The following COL7A1 variants were observed in gnomAD, a reference collection of about 807,000 sequenced individuals.
The protein encoded by COL7A1 is collagen type VII alpha 1 chain, also known as collagen alpha-1(VII) chain.
Under a neutral mutation model 456.2 loss-of-function variants are expected in COL7A1, and 296 were observed. The observed-to-expected ratio is 0.65, with a 90% CI of 0.59 to 0.71. The LOEUF (loss-of-function observed/expected upper bound fraction) is 0.71. Ranked by LOEUF, COL7A1 falls within the 30% of genes least tolerant of loss-of-function variation. The pLI, the probability that COL7A1 is intolerant of heterozygous loss-of-function variation, is 0.00. For missense variants in COL7A1, 3,441 were observed against 4,017.2 expected (o/e 0.86, Z 3.88); for synonymous variants, 1,464 against 1,525.9 (o/e 0.96, Z 0.95).
rs1390538480 is a variant in COL7A1 at position 48,579,236 on chromosome 3, C to T, written c.5349G>A (p.Leu1783=). The stretch of plus-strand genomic sequence containing the variant: ...GCCCAGCGGCTCCTGGTTTCCCATC[C>T]AGTCCGCTCCGGCCATCCAGCCCAG... ...GPPGLDGRSG[L]DGKPGAAGPS... Residue 1783 remains leucine, a synonymous_variant, in exon 62 of 119, where the codon CTG becomes CTA. Coordinates refer to ENST00000681320, the MANE Select transcript of COL7A1 (RefSeq NM_000094.4). This position sits in a 1 kb window ranked among gnomAD's most constrained non-coding sequence, Gnocchi z 4.4. The T allele has an allele frequency of 1.2e-6, 2 of 1,613,890 alleles. No individual in the cohort carries two copies. Among genetic ancestry groups the T allele is most frequent in the Non-Finnish European group, 1.7e-6 (2 of 1,180,032 alleles).
Position 48,587,037 on chromosome 3 carries a change from C to A in COL7A1, c.3211G>T (p.Ala1071Ser), listed in dbSNP as rs143245957. 1.1e-5 allele frequency: 17 copies of A among 1,607,480 alleles called. No homozygotes were observed. The highest frequency in any genetic ancestry group is 1.0e-4 in the Admixed American group (6 of 59,178). The change falls in exon 25 of 119, where the codon GCT becomes TCT. Residue 1071 changes from alanine (A) to serine (S), a missense_variant. Coordinates refer to ENST00000681320, the MANE Select transcript of COL7A1 (RefSeq NM_000094.4). This position sits in a 1 kb window ranked among gnomAD's most constrained non-coding sequence, Gnocchi z 6.1. The stretch of plus-strand genomic sequence containing the variant: ...AGACGCTCCAGGACCCTCCTCGTAG[C>A]CTCCGCACGGTGAGCATTGTCTTGA... ...ATQDNAHRAE[A>S]TRRVLERLVL...
rs1309224436 is a variant in COL7A1 at position 48,593,373 on chromosome 3, A to T, written c.503T>A (p.Val168Asp). ...GTCCTTACCCACAGCAAATAGCTTG[A>T]CCCCCTGCCCCTTCAGCCTTTGGGC... ...TAAQRLKGQG[V>D]KLFAVGIKNA... Residue 168 changes from valine to aspartate, a missense_variant, in exon 5 of 119, where the codon GTC becomes GAC. By Grantham distance (152) the Val-to-Asp change is radical. Coordinates refer to ENST00000681320, the MANE Select transcript of COL7A1 (RefSeq NM_000094.4). This position sits in a 1 kb window ranked among gnomAD's most constrained non-coding sequence, Gnocchi z 4.4. 1 of 1,613,608 alleles carries T rather than the reference A, an allele frequency of 6.2e-7. No individual in the cohort carries two copies. Among genetic ancestry groups the T allele is most frequent in the Non-Finnish European group, 8.5e-7 (1 of 1,179,902 alleles).
Position 48,579,621 on chromosome 3 carries a change from A to T in COL7A1, c.5202T>A (p.Gly1734=). 6.2e-7 allele frequency: 1 copy of T among 1,613,340 alleles called. No individual in the cohort carries two copies. The highest frequency in any genetic ancestry group is 8.5e-7 in the Non-Finnish European group (1 of 1,179,888). The change falls in exon 59 of 119, where the codon GGT becomes GGA. Residue 1734 remains glycine (G), a synonymous_variant. Coordinates refer to ENST00000681320, the MANE Select transcript of COL7A1 (RefSeq NM_000094.4). This position sits in a 1 kb window ranked among gnomAD's most constrained non-coding sequence, Gnocchi z 4.4. ...RGQEGPRGPK[G]DPGLPGAPGE... ...CAGGGGCTCCAGGGAGGCCAGGATCACCCTTGGGCCCTCGAGGACCCTCTT... is the reference window on the plus strand; with the variant it reads ...CAGGGGCTCCAGGGAGGCCAGGATCTCCCTTGGGCCCTCGAGGACCCTCTT...
chr3:48,569,661 G>T lies in COL7A1; in HGVS notation c.7558-13C>A. On this transcript the variant is annotated splice_polypyrimidine_tract_variant and intron_variant, in intron 101 of 118. Transcript: ENST00000681320. The surrounding 1 kb of genome is among the most constrained non-coding windows in gnomAD (Gnocchi z 4.9). ...CAGCTGAGTCTCCCTGAGGGGGCAG[G>T]CAGGAATCAGAGGAGTCGGGAGCAC... The T allele has an allele frequency of 6.2e-7, 1 of 1,613,968 alleles. No homozygotes were observed. Among genetic ancestry groups the T allele is most frequent in the Non-Finnish European group, 8.5e-7 (1 of 1,179,968 alleles).
At position 48,585,643 on chromosome 3, in the gene COL7A1, G is replaced by A; in HGVS notation, c.3832-24C>T. On this transcript the variant is annotated intron_variant, in intron 31 of 118. Transcript: ENST00000681320. The surrounding 1 kb of genome is among the most constrained non-coding windows in gnomAD (Gnocchi z 4.5). ...CCCTGAAAGAAGATAGCAGTTAGGTGGGGATAAGCCAGTCAGGGTGCAGGG... is the reference window on the plus strand; with the variant it reads ...CCCTGAAAGAAGATAGCAGTTAGGTAGGGATAAGCCAGTCAGGGTGCAGGG... 6.2e-7 allele frequency: 1 copy of A among 1,614,022 alleles called. No individual in the cohort carries two copies. The highest frequency in any genetic ancestry group is 8.5e-7 in the Non-Finnish European group (1 of 1,180,000).
In COL7A1 at chr3:48,581,715, T is replaced by G; in HGVS notation, c.4713A>C (p.Gln1571His). The change falls in exon 49 of 119, where the codon CAA becomes CAC. Residue 1571 changes from glutamine (Q) to histidine (H), a missense_variant. Physicochemically the swap from Gln to His is conservative, Grantham distance 24. Transcript: ENST00000681320. This position sits in a 1 kb window ranked among gnomAD's most constrained non-coding sequence, Gnocchi z 5.8. The part of the protein sequence containing the change: ...PAGPRGATGV[Q>H]GERGPPGLVL... ...ACTTCGCTTCACTTACCCGTTCCCC[T>G]TGGACTCCGGTAGCTCCTCTGGGCC... is the stretch of plus-strand genomic sequence containing the variant. 1 of 1,614,104 alleles carries G rather than the reference T, an allele frequency of 6.2e-7. No homozygotes were observed.
At position 48,573,359 on chromosome 3, in the gene COL7A1, C is replaced by T. The variant is rs377418600; in HGVS notation, c.6619-11G>A. ...CTCTCCAGGCTCCCCCTGCAAACAA[C>T]CCAGAGACTGCATGAGCAGAGCCCA... On this transcript the variant is annotated splice_polypyrimidine_tract_variant and intron_variant, in intron 83 of 118. Coordinates refer to ENST00000681320, the MANE Select transcript of COL7A1 (RefSeq NM_000094.4). This position sits in a 1 kb window ranked among gnomAD's most constrained non-coding sequence, Gnocchi z 5.5. 6.2e-7 allele frequency: 1 copy of T among 1,613,920 alleles called. No homozygotes were observed. Among genetic ancestry groups the T allele is most frequent in the African/African-American group, 1.3e-5 (1 of 74,896 alleles).
chr3:48,575,491 C>A lies in COL7A1; in HGVS notation c.6028G>T (p.Asp2010Tyr), dbSNP rs753702106. The part of the protein sequence containing the change: ...GERGLKGDRG[D>Y]PGPQGPPGLA... The stretch of plus-strand genomic sequence containing the variant: ...CCAGGTGGCCCCTGAGGGCCAGGGT[C>A]TCCACGGTCGCCCTTCAGCCCGCGT... The change falls in exon 74 of 119, where the codon GAC becomes TAC. Residue 2010 changes from aspartate to tyrosine, a missense_variant. By Grantham distance (160) the Asp-to-Tyr change is radical. Coordinates refer to ENST00000681320, the MANE Select transcript of COL7A1 (RefSeq NM_000094.4). This position sits in a 1 kb window ranked among gnomAD's most constrained non-coding sequence, Gnocchi z 6.3. 1 of 1,612,264 alleles carries A rather than the reference C, an allele frequency of 6.2e-7. No individual in the cohort carries two copies. Among genetic ancestry groups the A allele is most frequent in the Non-Finnish European group, 8.5e-7 (1 of 1,179,744 alleles).
At chr3:48,584,177 C>A (rs1031709231) in intron 37 of COL7A1, 116 bp from the exon 38 acceptor site, 13 of 1,578,076 alleles carry the variant, frequency 8.2e-6, no homozygotes, top group South Asian at 7.9e-5. Context: ...AGAACTGAGG[C>A]GTCATGGTGA....
In COL7A1 at chr3:48,575,713, A is replaced by T; in HGVS notation, c.5892T>A (p.Asp1964Glu). Residue 1964 changes from aspartate to glutamate, a missense_variant, in exon 73 of 119, where the codon GAT (aspartate) becomes GAA (glutamate). Around this residue, in one of 3 missense-constraint regions of COL7A1, gnomAD observed 2,084 missense variants for 2,501.3 expected, o/e 0.83. Transcript: ENST00000681320. The surrounding 1 kb of genome is among the most constrained non-coding windows in gnomAD (Gnocchi z 6.3). ...SALREIVETW[D>E]ESSGSFLPVP... The stretch of plus-strand genomic sequence containing the variant: ...CAGGCAGGAAGCTACCAGAGCTCTC[A>T]TCCCAGGTCTCCACGATCTCCCGCA... The T allele has an allele frequency of 6.2e-7, 1 of 1,613,840 alleles. No individual in the cohort carries two copies. The highest frequency in any genetic ancestry group is 8.5e-7 in the Non-Finnish European group (1 of 1,180,004).
At position 48,579,068 on chromosome 3, in the gene COL7A1, G is replaced by A; in HGVS notation, c.5389-114C>T. The A allele has an allele frequency of 1.9e-6, 3 of 1,557,852 alleles. No homozygotes were observed. The highest frequency in any genetic ancestry group is 2.7e-6 in the Non-Finnish European group (3 of 1,130,934). On this transcript the variant is annotated intron_variant, in intron 62 of 118. Coordinates refer to ENST00000681320, the MANE Select transcript of COL7A1 (RefSeq NM_000094.4). This position sits in a 1 kb window ranked among gnomAD's most constrained non-coding sequence, Gnocchi z 4.4. ...GCCCCACCCAGGCAGGGCTCTGGGA[G>A]AAGACACAGACAACAGGTCTCGCCC...
In COL7A1 at chr3:48,593,751, G is replaced by A; in HGVS notation, c.267-55C>T. ...AGGACTCAGGATCTCTTCTGGCCCTGGCCTTGAGGAGGCCTCTAGGGTGAG... is the reference window on the plus strand; with the variant it reads ...AGGACTCAGGATCTCTTCTGGCCCTAGCCTTGAGGAGGCCTCTAGGGTGAG... On this transcript the variant is annotated intron_variant, in intron 3 of 118. Transcript: ENST00000681320. This position sits in a 1 kb window ranked among gnomAD's most constrained non-coding sequence, Gnocchi z 4.4. 6.2e-7 allele frequency: 1 copy of A among 1,610,136 alleles called. No homozygotes were observed. The highest frequency in any genetic ancestry group is 8.5e-7 in the Non-Finnish European group (1 of 1,176,432).
Position 48,594,506 on chromosome 3 carries a change from A to G in COL7A1, c.128T>C (p.Leu43Pro), listed in dbSNP as rs149317921. ...RLYAADIVFL[L>P]DGSSSIGRSN... ...GCGGCCAATGGATGAGGAGCCATCC[A>G]GTAAGAACACAATGTCAGCGGCGTA... The change falls in exon 3 of 119, where the codon CTG becomes CCG. Residue 43 changes from leucine (L) to proline (P), a missense_variant. Leu to Pro is a moderately conservative substitution (Grantham distance 98). Around this residue, in one of 3 missense-constraint regions of COL7A1, gnomAD observed 913 missense variants for 1,088.2 expected, o/e 0.84. Transcript: ENST00000681320. The surrounding 1 kb of genome is among the most constrained non-coding windows in gnomAD (Gnocchi z 5.5). 1.1e-5 allele frequency: 18 copies of G among 1,611,890 alleles called. No individual in the cohort carries two copies. The highest frequency in any genetic ancestry group is 1.1e-4 in the African/African-American group (8 of 74,892).
In COL7A1 at chr3:48,586,522, A is replaced by G. The variant is rs376952626; in HGVS notation, c.3403+41T>C. 6.8e-6 allele frequency: 11 copies of G among 1,613,644 alleles called. No individual in the cohort carries two copies. The highest frequency in any genetic ancestry group is 9.3e-6 in the Non-Finnish European group (11 of 1,180,030). ...CAGAACCCTGGGGCACCAAGCTCCCAGTGGATAGCCCCAGGAGTCCATGCC... is the reference window on the plus strand; with the variant it reads ...CAGAACCCTGGGGCACCAAGCTCCCGGTGGATAGCCCCAGGAGTCCATGCC... On this transcript the variant is annotated intron_variant, in intron 26 of 118. Transcript: ENST00000681320. The surrounding 1 kb of genome is among the most constrained non-coding windows in gnomAD (Gnocchi z 5.1).
chr3:48,593,014 A>G lies in COL7A1; in HGVS notation c.683-76T>C. 1.9e-6 allele frequency: 3 copies of G among 1,612,698 alleles called. No individual in the cohort carries two copies. Among genetic ancestry groups the G allele is most frequent in the East Asian group, 4.5e-5 (2 of 44,884 alleles). ...ATGATGCAGAGTTGGGGTCGGGGTC[A>G]GGAGCACATAGGATGGAATCAGCAC... On this transcript the variant is annotated intron_variant, in intron 6 of 118. Transcript: ENST00000681320. This position sits in a 1 kb window ranked among gnomAD's most constrained non-coding sequence, Gnocchi z 4.4.
At position 48,581,076 on chromosome 3, in the gene COL7A1, A is replaced by C; in HGVS notation, c.4935+46T>G. 1 of 1,611,108 alleles carries C rather than the reference A, an allele frequency of 6.2e-7. No individual in the cohort carries two copies. The highest frequency in any genetic ancestry group is 8.5e-7 in the Non-Finnish European group (1 of 1,177,554). On this transcript the variant is annotated intron_variant, in intron 53 of 118. Transcript: ENST00000681320. The surrounding 1 kb of genome is among the most constrained non-coding windows in gnomAD (Gnocchi z 5.8). ...TGGAGCACCAGCCTACTGGGATCCT[A>C]GTTCAAGGGTAAAGGATCAGAAACC...
rs748439088 is a variant in COL7A1, at chr3:48,566,538, C to T, written c.8330G>A (p.Arg2777Gln). 8 of 1,614,156 alleles carry T rather than the reference C, an allele frequency of 5.0e-6. No individual in the cohort carries two copies. The highest frequency in any genetic ancestry group is 6.8e-6 in the Non-Finnish European group (8 of 1,180,028). The change falls in exon 113 of 119, where the codon CGA becomes CAA. Residue 2777 changes from arginine (R) to glutamine (Q), a missense_variant. Coordinates refer to ENST00000681320, the MANE Select transcript of COL7A1 (RefSeq NM_000094.4). The surrounding 1 kb of genome is among the most constrained non-coding windows in gnomAD (Gnocchi z 5.9). ...CAGTGCAGCTTCTCCCTTCTCGCCT[C>T]GAGGACCGGCAGGCCCTGGCCGCCC... is the stretch of plus-strand genomic sequence containing the variant. ...EQGRPGPAGP[R>Q]GEKGEAALTE... is the part of the protein sequence containing the mutation.
In COL7A1 at chr3:48,583,804, T is replaced by G; in HGVS notation, c.4279-24A>C. On this transcript the variant is annotated intron_variant, in intron 39 of 118. Coordinates refer to ENST00000681320, the MANE Select transcript of COL7A1 (RefSeq NM_000094.4). This position sits in a 1 kb window ranked among gnomAD's most constrained non-coding sequence, Gnocchi z 5.1. ...CCCTAGGAAGAAGTGAGTAAAAATA[T>G]GAGCCAAGAACTATGAAGCCCAGCA... is the stretch of plus-strand genomic sequence containing the variant. The G allele has an allele frequency of 6.2e-7, 1 of 1,613,612 alleles. No homozygotes were observed.
At position 48,590,397 on chromosome 3, in the gene COL7A1, C is replaced by CAG. The variant is rs1272277642; in HGVS notation, c.1907-42_1907-41insCT. Reference sequence around the variant, plus strand: ...AATGCTGGCATGGCTCCTGCCTGTCCCCTCTGGCACCCATACCCTCATTGG... The same window carrying CAG: ...AATGCTGGCATGGCTCCTGCCTGTCCAGCCTCTGGCACCCATACCCTCATTGG... On this transcript the variant is annotated intron_variant, in intron 15 of 118. Coordinates refer to ENST00000681320, the MANE Select transcript of COL7A1 (RefSeq NM_000094.4). The surrounding 1 kb of genome is among the most constrained non-coding windows in gnomAD (Gnocchi z 4.6). The CAG allele has an allele frequency of 6.2e-6, 10 of 1,613,946 alleles. No individual in the cohort carries two copies. The African/African-American group carries it at 1.1e-4, about 17-fold the overall frequency.
Sources: gnomAD v4.1 joint callset for allele counts on GRCh38, gnomAD v4.1.1 for gene constraint, gnomAD v4.1.1 regional missense constraint, Gnocchi (gnomAD v3.1) non-coding constraint, MANE v1.5 for transcripts, NCBI Gene and HGNC (gene_info 2026-07-23, HGNC 2026-07-21) for gene names.